Variants in THOC1 observed in about 807,000 individuals in gnomAD.
THOC1 encodes the protein THO complex subunit 1.
Under a neutral mutation model 97.3 loss-of-function variants are expected in THOC1, and 29 were observed. That is an observed-to-expected ratio of 0.30 (90% CI 0.22 to 0.41). The LOEUF is 0.41. Among genes scored for constraint, THOC1 ranks in the 10% least tolerant of loss-of-function variants. The pLI, the probability that THOC1 is intolerant of heterozygous loss-of-function variation, is 1.00. For synonymous variants in THOC1, 255 were observed against 257.0 expected, an observed-to-expected ratio of 0.99 and a Z score of 0.07; for missense variants, 529 against 761.9, an observed-to-expected ratio of 0.69 and a Z score of 3.60.
intron 9 of THOC1, 55 bp from the exon 10 acceptor site, chr18:248,012 TA>T: frequency 8.7e-7 from 1 of 1,150,332 alleles, no homozygotes; most frequent in Non-Finnish European, 1.2e-6. Context: ...TACAAATATC[TA>T]AATATTCTTA....
chr18:263,932 C>T, intron 4 of THOC1, 94 bp downstream of exon 4: 1 of 955,760 alleles, frequency 1.0e-6, no homozygotes, highest in Non-Finnish European at 1.6e-6. Flanking sequence ...TAAACAAAAT[C>T]AGATAGGTGG....
intron 7 of THOC1, among the ~76,000 whole-genome samples, chr18:255,504 G>C (rs1245835880): frequency 1.3e-5 from 2 of 152,196 alleles, no homozygotes; most frequent in Non-Finnish European, 2.9e-5. Flanking sequence ...TGAAGGCTGA[G>C]ACAGGTGAGG....
intron 19 of THOC1, chr18:216,151 A>C: frequency 3.8e-5 from 7 of 185,008 alleles, no homozygotes; most frequent in South Asian, 1.2e-4. Context: ...ACGGGGTTTC[A>C]CCATATTGGC....
chr18:241,100 C>T (rs1425097468), intron 11 of THOC1, among the ~76,000 whole-genome samples: 1 of 152,108 alleles, frequency 6.6e-6, no homozygotes, highest in Non-Finnish European at 1.5e-5. Flanking sequence ...CACTGCTCAC[C>T]TCCTGCTGTG....
chr18:253,902 A>AC (rs372562019), intron 8 of THOC1, among the ~76,000 whole-genome samples: 1 of 133,964 alleles, frequency 7.5e-6, no homozygotes. Context: ...TTTACATGAA[A>AC]TTTTTTTTTT....
At position 262,060 on chromosome 18, in the gene THOC1, T is replaced by C. The variant is rs539462070; in HGVS notation, c.257-1756A>G. 2.6e-5 allele frequency among the ~76,000 whole-genome samples: 4 copies of C among 152,228 alleles called. No individual in the cohort carries two copies. In the South Asian group the frequency reaches 8.3e-4, roughly 32 times the overall value. Reference sequence around the variant, plus strand: ...TGCCATGTTCATCCTTCCATGGTTTTGTTCACAATGTTGTTTTCTGCATAC... The same window carrying C: ...TGCCATGTTCATCCTTCCATGGTTTCGTTCACAATGTTGTTTTCTGCATAC... On this transcript the variant is annotated intron_variant, in intron 4 of 20. Coordinates refer to ENST00000261600, the MANE Select transcript of THOC1 (RefSeq NM_005131.3).
intron 11 of THOC1, among the ~76,000 whole-genome samples, chr18:232,624 G>C (rs1327158803): frequency 6.6e-6 from 1 of 151,590 alleles, no homozygotes; most frequent in Admixed American, 6.6e-5. Flanking sequence ...CCTGTGTAGG[G>C]GGCCATATTT....
intron 5 of THOC1, 64 bp from the exon 6 acceptor site, chr18:259,794 T>C: frequency 1.5e-6 from 2 of 1,301,762 alleles, no homozygotes; most frequent in Non-Finnish European, 2.1e-6. Context: ...CAATAATAAG[T>C]TGCCAGAGTG....
chr18:226,930 A>G (rs771624866), intron 11 of THOC1, 29 bp from the exon 12 acceptor site: 3 of 1,526,122 alleles, frequency 2.0e-6, no homozygotes, highest in Non-Finnish European at 1.8e-6. Context: ...AACACATACG[A>G]AAACAACACA....
chr18:223,214 T>C (rs573579518), intron 17 of THOC1, among the ~76,000 whole-genome samples: 1 of 152,170 alleles, frequency 6.6e-6, no homozygotes, highest in Non-Finnish European at 1.5e-5. Context: ...CTCTTCTGTT[T>C]GTAGTTTTGA....
intron 17 of THOC1, 85 bp from the exon 18 acceptor site, chr18:219,054 G>A: frequency 2.6e-6 from 1 of 386,792 alleles, no homozygotes; most frequent in Non-Finnish European, 4.0e-6. Context: ...CAAGATTGTG[G>A]GCATGTGTTC....
At chr18:259,133 G>A (rs1912525072) in intron 7 of THOC1, 47 bp downstream of exon 7, 1 of 1,423,176 alleles carries the variant, frequency 7.0e-7, no homozygotes, top group Admixed American at 2.0e-5. Context: ...ATTAAAAACT[G>A]GAAAAGATTT....
rs117106483 is a variant in THOC1 at position 227,683 on chromosome 18, T to C, written c.919-782A>G. On this transcript the variant is annotated intron_variant, in intron 11 of 20. Coordinates refer to ENST00000261600, the MANE Select transcript of THOC1 (RefSeq NM_005131.3). Reference sequence around the variant, plus strand: ...AGGAAGGTCATTCTGATTATGTGCATGGAACACTGAAGGAAGGCTGAAGTC... The same window carrying C: ...AGGAAGGTCATTCTGATTATGTGCACGGAACACTGAAGGAAGGCTGAAGTC... 3.8e-3 allele frequency among the ~76,000 whole-genome samples: 581 copies of C among 152,276 alleles called. 3 individuals are homozygous for C. Among genetic ancestry groups the C allele is most frequent in the Non-Finnish European group, 7.0e-3 (478 of 68,000 alleles).
intron 13 of THOC1, 64 bp from the exon 14 acceptor site, chr18:225,203 G>C: frequency 2.0e-6 from 3 of 1,529,000 alleles, no homozygotes; most frequent in Non-Finnish European, 2.7e-6. Context: ...TGGTTTGTAG[G>C]CAGAGAACCA....
chr18:226,666 G>C, intron 12 of THOC1, 135 bp downstream of exon 12: 1 of 592,562 alleles, frequency 1.7e-6, no homozygotes, highest in Non-Finnish European at 2.9e-6. Context: ...AGCCTTCAAT[G>C]TATCAGCTGC....
chr18:229,038 T>C (rs113608740), intron 11 of THOC1, among the ~76,000 whole-genome samples: 5,290 of 152,334 alleles, frequency 0.035, 130 homozygotes, highest in Non-Finnish European at 0.057. Context: ...ATTTCATTTC[T>C]TGGCCCCCAA....
At position 228,001 on chromosome 18, in the gene THOC1, T is replaced by C. The variant is rs183526651; in HGVS notation, c.919-1100A>G. Among the ~76,000 whole-genome samples, 53 of 152,208 alleles carry C rather than the reference T, an allele frequency of 3.5e-4. No individual in the cohort carries two copies. The East Asian group carries it at 7.7e-3, about 22-fold the overall frequency. On this transcript the variant is annotated intron_variant, in intron 11 of 20. Transcript: ENST00000261600. ...GTCAGGTTTCCCTCACGTTTAAGGATTGAATATATTTGATTGTTATTTATA... is the reference window on the plus strand; with the variant it reads ...GTCAGGTTTCCCTCACGTTTAAGGACTGAATATATTTGATTGTTATTTATA...
At position 216,489 on chromosome 18, in the gene THOC1, T is replaced by C. The variant is rs761030306; in HGVS notation, c.1599A>G (p.Leu533=). 1.9e-6 allele frequency: 3 copies of C among 1,613,678 alleles called. No individual in the cohort carries two copies. The highest frequency in any genetic ancestry group is 2.5e-6 in the Non-Finnish European group (3 of 1,179,828). Residue 533 remains leucine, a synonymous_variant, in exon 19 of 21, where the codon TTA becomes TTG. Coordinates refer to ENST00000261600, the MANE Select transcript of THOC1 (RefSeq NM_005131.3). ...AAAGTTGATCTATGGTACTTACCGG[T>C]AATTCCTTGGCTAGCTTTATTACCA... is the stretch of plus-strand genomic sequence containing the variant. ...ENMVIKLAKE[L]PPPSEEIKTG... is the part of the protein sequence containing the mutation.
At chr18:261,892 T>C (rs890457189) in intron 4 of THOC1, among the ~76,000 whole-genome samples, 8 of 152,182 alleles carry the variant, frequency 5.3e-5, no homozygotes, top group African/African-American at 1.9e-4. Flanking sequence ...AGCCAGCAAG[T>C]CTGGGAACCA....
Sources: allele counts gnomAD v4.1 joint callset (sites outside exome capture counted in the v4.1 genomes callset), GRCh38; gene constraint gnomAD v4.1.1; transcripts MANE v1.5; gene names NCBI Gene and HGNC (gene_info 2026-07-23, HGNC 2026-07-21).